The following ILDR2 variants were observed in gnomAD, a reference collection of about 807,000 sequenced individuals.
ILDR2 encodes the protein immunoglobulin-like domain-containing receptor 2.
ILDR2 carries 25 observed loss-of-function variants against 66.8 expected under a neutral mutation model. The ratio of observed to expected loss-of-function variants is 0.37; its 90% CI spans 0.27 to 0.52. The LOEUF is 0.52. Ranked by LOEUF, ILDR2 falls within the 20% of genes least tolerant of loss-of-function variation. The pLI is 0.88. For missense variants in ILDR2, 827 were observed against 876.8 expected (o/e 0.94, Z 0.72); for synonymous variants, 367 against 357.2 (o/e 1.03, Z -0.31).
rs1235900380 is a variant in ILDR2 at position 166,922,585 on chromosome 1, G to A, written c.1211+8C>T. 4.5e-5 allele frequency: 73 copies of A among 1,612,378 alleles called. No individual in the cohort carries two copies. The highest frequency in any genetic ancestry group is 5.9e-5 in the Non-Finnish European group (69 of 1,179,386). ...ACACCGACCAGACCTGCCCCTCACA[G>A]CCATCACCTGTGCCTGAAGCTCTCT... On this transcript the variant is annotated splice_region_variant and intron_variant, in intron 8 of 9. Transcript: ENST00000271417.
chr1:166,975,297 A>C lies in ILDR2; in HGVS notation c.-29T>G, dbSNP rs761608705. ...CCCCAACTTCCCAGCCGAATTACGGAGTGAGGAAAGTGGGAAATGGCTGGA... is the reference window on the plus strand; with the variant it reads ...CCCCAACTTCCCAGCCGAATTACGGCGTGAGGAAAGTGGGAAATGGCTGGA... On this transcript the variant is annotated 5_prime_UTR_variant, in exon 1 of 10. Transcript: ENST00000271417. 2 of 1,607,154 alleles carry C rather than the reference A, an allele frequency of 1.2e-6. No individual in the cohort carries two copies. The highest frequency in any genetic ancestry group is 2.7e-5 in the African/African-American group (2 of 74,734).
At chr1:166,928,003 A>G (rs1660404089) in intron 6 of ILDR2, among the ~76,000 whole-genome samples, 1 of 152,234 alleles carries the variant, frequency 6.6e-6, no homozygotes, top group Admixed American at 6.5e-5. Context: ...TCACTTAAGT[A>G]TCAGTCTAGC....
chr1:166,936,476 A>C lies in ILDR2; in HGVS notation c.703+115T>G, dbSNP rs916886454. On this transcript the variant is annotated intron_variant, in intron 5 of 9. Coordinates refer to ENST00000271417, the MANE Select transcript of ILDR2 (RefSeq NM_199351.3). This position sits in a 1 kb window ranked among gnomAD's most constrained non-coding sequence, Gnocchi z 5.0. ...AGCGGAGAAGAGTCTGGAATGACCA[A>C]TCTTGGGGGTGGCAGGACAGGAGGT... is the stretch of plus-strand genomic sequence containing the variant. 8.0e-6 allele frequency: 12 copies of C among 1,508,224 alleles called. 1 individual carries two copies. Among genetic ancestry groups the C allele is most frequent in the African/African-American group, 5.5e-5 (4 of 73,078 alleles). The allele number at this position is 1,508,224 out of a possible 1,614,324, so 93.4% of individuals were successfully genotyped here. A position where few individuals can be genotyped will look rare whatever the true frequency, so the allele number is the denominator to read the frequency against.
At chr1:166,926,256 G>A (rs758807638) in intron 7 of ILDR2, among the ~76,000 whole-genome samples, 1 of 152,040 alleles carries the variant, frequency 6.6e-6, no homozygotes. Flanking sequence ...CTCTGATAAT[G>A]AGCCTGTCCA....
intron 3 of ILDR2, among the ~76,000 whole-genome samples, chr1:166,952,839 T>C: frequency 6.6e-6 from 1 of 152,126 alleles, no homozygotes; most frequent in Non-Finnish European, 1.5e-5. Context: ...TGGAAAGAGA[T>C]AAGGCTAGGA....
rs1212123789 is a variant in ILDR2, at chr1:166,921,150, G to C, written c.1441C>G (p.Arg481Gly). 3.9e-6 allele frequency: 6 copies of C among 1,534,874 alleles called. No homozygotes were observed. The highest frequency in any genetic ancestry group is 2.5e-5 in the East Asian group (1 of 40,768). Residue 481 changes from arginine (R) to glycine (G), a missense_variant, in exon 9 of 10, where the codon CGC (arginine) becomes GGC (glycine). Arg to Gly is a moderately radical substitution (Grantham distance 125, BLOSUM62 -2). Coordinates refer to ENST00000271417, the MANE Select transcript of ILDR2 (RefSeq NM_199351.3). The surrounding 1 kb of genome is among the most constrained non-coding windows in gnomAD (Gnocchi z 5.3). ...DDSLEEYYGQRSRSREPLTDA... is the reference protein window; with the variant it reads ...DDSLEEYYGQGSRSREPLTDA... ...GTCAGGGGCTCGCGGCTGCGGCTGC[G>C]CTGACCGTAGTACTCCTCCAAGGAG... is the stretch of plus-strand genomic sequence containing the variant.
chr1:166,926,993 G>T, intron 7 of ILDR2, 74 bp downstream of exon 7: 1 of 1,027,450 alleles, frequency 9.7e-7, no homozygotes, highest in Non-Finnish European at 1.4e-6. Flanking sequence ...GCCCAAGTTT[G>T]GTGACCCCCA....
chr1:166,920,661 C>A, intron 9 of ILDR2, 46 bp downstream of exon 9: 1 of 1,342,004 alleles, frequency 7.5e-7, no homozygotes, highest in Non-Finnish European at 9.6e-7. Flanking sequence ...TGCCTGGAGG[C>A]TCCCGCTCAG....
At chr1:166,905,154 T>C (rs555308111), downstream of ILDR2, among the ~76,000 whole-genome samples, 2 of 152,322 alleles carry the variant, frequency 1.3e-5, no homozygotes, top group Admixed American at 6.5e-5. Flanking sequence ...CAAAATCTCG[T>C]ATAAATACTG....
intron 3 of ILDR2, among the ~76,000 whole-genome samples, chr1:166,939,814 C>A (rs934647697): frequency 6.6e-6 from 1 of 152,162 alleles, no homozygotes; most frequent in South Asian, 2.1e-4. Flanking sequence ...AACTTTCTCT[C>A]CAACTATTTA....
At chr1:166,946,248 A>G (rs1191999770) in intron 3 of ILDR2, among the ~76,000 whole-genome samples, 1 of 152,246 alleles carries the variant, frequency 6.6e-6, no homozygotes, top group African/African-American at 2.4e-5. Flanking sequence ...TTTAATAAAT[A>G]TAGTTTATGA....
intron 6 of ILDR2, among the ~76,000 whole-genome samples, chr1:166,931,965 G>A (rs1660664017): frequency 6.6e-6 from 1 of 152,200 alleles, no homozygotes; most frequent in Admixed American, 6.5e-5. Context: ...CGGTATTGAG[G>A]AGCAAAAGAG....
At chr1:166,963,310 C>T (rs895787285) in intron 1 of ILDR2, among the ~76,000 whole-genome samples, 13 of 152,142 alleles carry the variant, frequency 8.5e-5, no homozygotes, top group East Asian at 5.8e-4. Context: ...CATGTAGTAT[C>T]CTAATGAATT....
At chr1:166,902,681 A>G (rs1342966172) in intron 2 of ILDR2, among the ~76,000 whole-genome samples, 1 of 152,250 alleles carries the variant, frequency 6.6e-6, no homozygotes, top group Non-Finnish European at 1.5e-5. Flanking sequence ...TATTGGCAAC[A>G]TATTTAAACT....
In ILDR2 at chr1:166,921,135, C is replaced by CGCGGCT. The variant is rs772729895; in HGVS notation, c.1450_1455dup (p.Ser484_Arg485dup). The stretch of plus-strand genomic sequence containing the variant: ...CCGCGGTCAGCATCGGTCAGGGGCT[C>CGCGGCT]GCGGCTGCGGCTGCGCTGACCGTAG... On this transcript the variant is annotated inframe_insertion, in exon 9 of 10. Transcript: ENST00000271417. The surrounding 1 kb of genome is among the most constrained non-coding windows in gnomAD (Gnocchi z 5.3). 27 of 1,530,274 alleles carry CGCGGCT rather than the reference C, an allele frequency of 1.8e-5. No homozygotes were observed. Among genetic ancestry groups the CGCGGCT allele is most frequent in the East Asian group, 9.9e-5 (4 of 40,520 alleles). The allele number at this position is 1,530,274 out of a possible 1,614,324, so 94.8% of individuals were successfully genotyped here.
Position 166,909,754 on chromosome 1 carries a change from TATATAA to T in ILDR2, c.*9595_*9600del, listed in dbSNP as rs1250176199. 3.0e-3 allele frequency: 228 copies of T among 74,928 alleles called. 1 individual carries two copies. The highest frequency in any genetic ancestry group is 0.011 in the African/African-American group (167 of 14,744). 4.6% of individuals were successfully genotyped at this position (74,928 alleles called of 1,614,324 possible). A position where few individuals can be genotyped will look rare whatever the true frequency, so the allele number is the denominator to read the frequency against. On this transcript the variant is annotated 3_prime_UTR_variant, in exon 10 of 10. Transcript: ENST00000271417. ...ATACATACATATATATATATATATATATATAAATATATATAAATATATATATTTATA... is the reference window on the plus strand; with the variant it reads ...ATACATACATATATATATATATATATATATATATAAATATATATATTTATA...
In ILDR2 at chr1:166,957,944, T is replaced by C; in HGVS notation, c.204A>G (p.Glu68=). ...CCCGGGTAGAGGACATGCCCAAGGA[T>C]TCTCCCATGCGATCCTGGCAGTAGG... is the stretch of plus-strand genomic sequence containing the variant. ...FKSYCQDRMG[E]SLGMSSTRAQ... is the part of the protein sequence containing the mutation. Residue 68 remains glutamate (E), a synonymous_variant, in exon 2 of 10, where the codon GAA becomes GAG. Transcript: ENST00000271417. 6.2e-7 allele frequency: 1 copy of C among 1,614,096 alleles called. No homozygotes were observed. Among genetic ancestry groups the C allele is most frequent in the East Asian group, 2.2e-5 (1 of 44,868 alleles).
rs1289042432 is a variant in ILDR2 at position 166,909,792 on chromosome 1, T to A, written c.*9563A>T. The A allele has an allele frequency of 1.5e-5, 2 of 132,948 alleles. No individual in the cohort carries two copies. Among genetic ancestry groups the A allele is most frequent in the Non-Finnish European group, 1.6e-5 (1 of 63,662 alleles). 8.2% of individuals were successfully genotyped at this position (132,948 alleles called of 1,614,324 possible). A position where few individuals can be genotyped will look rare whatever the true frequency, so the allele number is the denominator to read the frequency against. ...ATAAATATATATATTTATATATATA[T>A]ATATATATATATATCCTTCTAGCTT... On this transcript the variant is annotated 3_prime_UTR_variant, in exon 10 of 10. Transcript: ENST00000271417.
rs1662311048 is a variant in ILDR2, at chr1:166,956,852, T to C, written c.380A>G (p.Asp127Gly). The C allele has an allele frequency of 6.2e-7, 1 of 1,613,574 alleles. No homozygotes were observed. The highest frequency in any genetic ancestry group is 8.5e-7 in the Non-Finnish European group (1 of 1,179,756). ...AAGCTTTCCAATTTGAAGATCTGCA[T>C]CTGTTATCACAAAAAGAAGGACTCA... ...YRGREITIVH[D>G]ADLQIGKLMW... The change falls in exon 3 of 10, where the codon GAT becomes GGT. Residue 127 changes from aspartate to glycine, a missense_variant and splice_region_variant. Transcript: ENST00000271417.
Sources: gnomAD v4.1 joint callset for allele counts (sites outside exome capture counted in the v4.1 genomes callset) on GRCh38, gnomAD v4.1.1 for gene constraint, Gnocchi (gnomAD v3.1) non-coding constraint, MANE v1.5 for transcripts, NCBI Gene and HGNC (gene_info 2026-07-23, HGNC 2026-07-21) for gene names.